SLC35F4: variants seen among roughly 807,000 people sequenced by gnomAD.
The protein encoded by SLC35F4 is solute carrier family 35 member F4, also known as chromosome 14 open reading frame 36.
In SLC35F4, 24 loss-of-function variants were observed where a neutral mutation model predicts 44.2. The observed-to-expected ratio is 0.54, with a 90% CI of 0.39 to 0.76. The LOEUF is 0.76. Among genes scored for constraint, SLC35F4 ranks in the 30% least tolerant of loss-of-function variants. The pLI is 0.00. For missense variants in SLC35F4, 562 were observed against 586.1 expected, an observed-to-expected ratio of 0.96 and a Z score of 0.42; for synonymous variants, 238 against 223.6, an observed-to-expected ratio of 1.06 and a Z score of -0.57.
intron 1 of SLC35F4, among the ~76,000 whole-genome samples, chr14:57,608,790 G>T (rs750050824): frequency 3.5e-5 from 1 of 28,460 alleles, no homozygotes; most frequent in African/African-American, 7.3e-5. Flanking sequence ...AGATGGCCGG[G>T]GGGGGGCGGC....
At chr14:57,571,678 A>T (rs887210295) in intron 5 of SLC35F4, among the ~76,000 whole-genome samples, 3 of 152,224 alleles carry the variant, frequency 2.0e-5, no homozygotes, top group African/African-American at 4.8e-5. Flanking sequence ...CTCATCTGGA[A>T]AGTGGAAATA....
intron 1 of SLC35F4, among the ~76,000 whole-genome samples, chr14:57,613,510 C>T (rs546274475): frequency 1.3e-5 from 2 of 152,276 alleles, no homozygotes; most frequent in South Asian, 4.1e-4. Flanking sequence ...GTTGTTCCAA[C>T]GATAGGCTTT....
intron 1 of SLC35F4, among the ~76,000 whole-genome samples, chr14:57,663,382 A>C (rs1359187188): frequency 6.6e-6 from 1 of 152,174 alleles, no homozygotes; most frequent in Non-Finnish European, 1.5e-5. Flanking sequence ...TCTAGAGCCC[A>C]AGTTCAGATT....
chr14:57,887,908 C>T (rs1888685410), intron 1 of SLC35F4, among the ~76,000 whole-genome samples: 1 of 152,178 alleles, frequency 6.6e-6, no homozygotes, highest in Non-Finnish European at 1.5e-5. Context: ...CACATGCACA[C>T]CATTCTGCTC....
chr14:57,835,553 G>A (rs1439206478), intron 1 of SLC35F4, among the ~76,000 whole-genome samples: 1 of 152,122 alleles, frequency 6.6e-6, no homozygotes, highest in African/African-American at 2.4e-5. Context: ...TACGCAAAAT[G>A]TGACTGACAA....
At chr14:57,579,522 T>C (rs1396755774) in intron 4 of SLC35F4, 1 of 152,086 alleles carries the variant, frequency 6.6e-6, no homozygotes, top group Non-Finnish European at 1.5e-5. Flanking sequence ...TATCTAATGG[T>C]GAAAATATGG....
At chr14:57,587,870 CAAAAA>C (rs60521934) in intron 3 of SLC35F4, among the ~76,000 whole-genome samples, 22 of 125,008 alleles carry the variant, frequency 1.8e-4, no homozygotes, top group Non-Finnish European at 2.6e-4. Context: ...ATGCACCTTC[CAAAAA>C]AAAAAAAAAA....
At chr14:57,702,893 C>T (rs977766476) in intron 1 of SLC35F4, among the ~76,000 whole-genome samples, 17 of 152,216 alleles carry the variant, frequency 1.1e-4, no homozygotes, top group East Asian at 3.9e-4. Context: ...CCATAATCAA[C>T]GAGGATAATA....
chr14:57,589,362 CTG>C lies in SLC35F4; in HGVS notation c.439_440del (p.Gln147AspfsTer7). On this transcript the variant is annotated frameshift_variant, in exon 3 of 8. Coordinates refer to ENST00000556826, the MANE Select transcript of SLC35F4 (RefSeq NM_001306087.2). LOFTEE classifies it high-confidence loss of function. ...SVSSSWVGTT[Q>X]IVKITYKNFY... The stretch of plus-strand genomic sequence containing the variant: ...AGTTCTTATAAGTAATTTTTACAAT[CTG>C]TGTAGTTCCAACCCAAGATGATGAT... The C allele has an allele frequency of 6.2e-7, 1 of 1,613,940 alleles. No individual in the cohort carries two copies. Among genetic ancestry groups the C allele is most frequent in the Middle Eastern group, 1.6e-4 (1 of 6,062 alleles).
At chr14:57,730,722 C>T (rs2076322763) in intron 1 of SLC35F4, among the ~76,000 whole-genome samples, 1 of 152,154 alleles carries the variant, frequency 6.6e-6, no homozygotes, top group African/African-American at 2.4e-5. Context: ...TATTTTATTT[C>T]TCCCTGTTTC....
At chr14:57,573,498 T>A (rs2068620050) in intron 4 of SLC35F4, among the ~76,000 whole-genome samples, 1 of 152,110 alleles carries the variant, frequency 6.6e-6, no homozygotes, top group Non-Finnish European at 1.5e-5. Context: ...GGAATAGAAT[T>A]TAAGAATTTA....
At chr14:57,692,079 T>C (rs900274235) in intron 1 of SLC35F4, among the ~76,000 whole-genome samples, 2 of 152,224 alleles carry the variant, frequency 1.3e-5, no homozygotes, top group African/African-American at 2.4e-5. Context: ...GATAGCCAAG[T>C]AGAAAACTTA....
chr14:57,648,658 T>G (rs754758866), intron 1 of SLC35F4, among the ~76,000 whole-genome samples: 3 of 152,194 alleles, frequency 2.0e-5, no homozygotes, highest in Non-Finnish European at 4.4e-5. Context: ...TTATGAACCT[T>G]TCTTAAAAAG....
chr14:57,970,511 A>AT (rs1275690746), intron 1 of SLC35F4, among the ~76,000 whole-genome samples: 4 of 152,118 alleles, frequency 2.6e-5, no homozygotes, highest in Non-Finnish European at 4.4e-5. Context: ...CAGAGGTACT[A>AT]TTTTTTTGTT....
chr14:57,691,977 G>C (rs1259047892), intron 1 of SLC35F4, among the ~76,000 whole-genome samples: 2 of 152,164 alleles, frequency 1.3e-5, no homozygotes, highest in Non-Finnish European at 2.9e-5. Flanking sequence ...GTGTGTCCAG[G>C]AAGCTGGAGA....
At chr14:57,917,253 G>T (rs977877719) in intron 1 of SLC35F4, among the ~76,000 whole-genome samples, 8 of 152,104 alleles carry the variant, frequency 5.3e-5, no homozygotes, top group Admixed American at 3.3e-4. Flanking sequence ...TAGAGATGGG[G>T]TTTCACCATG....
At chr14:57,737,716 T>C (rs759501018) in intron 1 of SLC35F4, among the ~76,000 whole-genome samples, 4 of 152,202 alleles carry the variant, frequency 2.6e-5, no homozygotes, top group African/African-American at 4.8e-5. Flanking sequence ...CCGTGCTACA[T>C]TGGCCTTTTT....
chr14:57,950,709 G>T (rs1447902095), intron 1 of SLC35F4, among the ~76,000 whole-genome samples: 1 of 118,448 alleles, frequency 8.4e-6, no homozygotes. Flanking sequence ...TTACTGTGTT[G>T]CCCAGCTGGA....
intron 1 of SLC35F4, among the ~76,000 whole-genome samples, chr14:57,618,619 G>A (rs573751872): frequency 6.6e-6 from 1 of 152,306 alleles, no homozygotes; most frequent in South Asian, 2.1e-4. Context: ...GGTCACTTGG[G>A]CAGACACCAA....
Sources: allele counts gnomAD v4.1 joint callset (sites outside exome capture counted in the v4.1 genomes callset), GRCh38; gene constraint gnomAD v4.1.1; transcripts MANE v1.5; gene names NCBI Gene and HGNC (gene_info 2026-07-23, HGNC 2026-07-21).